Variants in DSC2 observed in about 807,000 individuals in gnomAD.
DSC2 encodes desmocollin-2.
A neutral mutation model predicts 87.6 loss-of-function variants in DSC2; 51 were observed. The ratio of observed to expected loss-of-function variants is 0.58; its 90% confidence interval spans 0.46 to 0.74. The LOEUF (loss-of-function observed/expected upper bound fraction) is 0.74. Ranked by LOEUF, DSC2 falls within the 30% of genes least tolerant of loss-of-function variation. DSC2 has a pLI of 0.00. For synonymous variants in DSC2, 383 were observed against 393.2 expected, an observed-to-expected ratio of 0.97 and a Z score of 0.31; for missense variants, 1,066 against 1,089.5, an observed-to-expected ratio of 0.98 and a Z score of 0.30.
intron 12 of DSC2, among the ~76,000 whole-genome samples, chr18:31,073,391 A>G (rs1298415933): frequency 6.6e-6 from 1 of 151,610 alleles, no homozygotes; most frequent in African/African-American, 2.4e-5. Context: ...ACACACACAC[A>G]CACACACACA....
rs1225052661 is a variant in DSC2 at position 31,062,318 on chromosome 18, T to A, written c.*5697A>T. The A allele has an allele frequency of 6.6e-6, 1 of 152,160 alleles. No homozygotes were observed. The highest frequency in any genetic ancestry group is 1.5e-5 in the Non-Finnish European group (1 of 68,032). 9.4% of individuals were successfully genotyped at this position (152,160 alleles called of 1,614,324 possible). On this transcript the variant is annotated 3_prime_UTR_variant, in exon 16 of 16. Transcript: ENST00000280904. ...ATAACTAATGGGAATTTTGGCAAAC[T>A]CATAAGAATCATTTCTTGAATTTCT...
chr18:31,069,966 C>A (rs750532790), intron 14 of DSC2, among the ~76,000 whole-genome samples: 19 of 152,112 alleles, frequency 1.2e-4, no homozygotes, highest in Non-Finnish European at 2.5e-4. Flanking sequence ...ATCTTAACTG[C>A]AACATTAAAC....
chr18:31,095,851 C>T (rs1268496105), intron 1 of DSC2, among the ~76,000 whole-genome samples: 2 of 152,008 alleles, frequency 1.3e-5, no homozygotes, highest in South Asian at 2.1e-4. Flanking sequence ...ACCTGAAGAG[C>T]GGCTACAAGT....
At chr18:31,071,907 A>T in intron 12 of DSC2, 66 bp from the exon 13 acceptor site, 2 of 1,350,896 alleles carry the variant, frequency 1.5e-6, no homozygotes, top group Non-Finnish European at 2.1e-6. Context: ...AACATAAATA[A>T]CTCATTATCA....
chr18:31,071,440 G>A (rs892538367), intron 13 of DSC2, among the ~76,000 whole-genome samples, 165 bp downstream of exon 13: 3 of 152,040 alleles, frequency 2.0e-5, no homozygotes, highest in African/African-American at 4.8e-5. Flanking sequence ...CCAGCTACTC[G>A]GGAGGCTGAG....
chr18:31,098,140 T>C (rs2144861649), intron 1 of DSC2, among the ~76,000 whole-genome samples: 1 of 152,314 alleles, frequency 6.6e-6, no homozygotes, highest in Non-Finnish European at 1.5e-5. Flanking sequence ...AAGAAGTATG[T>C]ATATATGTAC....
At chr18:31,096,762 A>G (rs1024299745) in intron 1 of DSC2, among the ~76,000 whole-genome samples, 12 of 152,300 alleles carry the variant, frequency 7.9e-5, no homozygotes, top group South Asian at 2.1e-4. Flanking sequence ...AAGCAATCCA[A>G]TTAAACTCAG....
chr18:31,092,641 T>C (rs1282342637), intron 2 of DSC2, among the ~76,000 whole-genome samples: 3 of 152,170 alleles, frequency 2.0e-5, no homozygotes, highest in Non-Finnish European at 4.4e-5. Flanking sequence ...CCTGAAGTTA[T>C]ACAGAATCTA....
At chr18:31,089,710 T>C (rs1369024524) in intron 4 of DSC2, 116 bp from the exon 5 acceptor site, 2 of 963,480 alleles carry the variant, frequency 2.1e-6, no homozygotes, top group Non-Finnish European at 3.0e-6. Context: ...CCTTAATTTA[T>C]TATTATATAT....
intron 5 of DSC2, among the ~76,000 whole-genome samples, chr18:31,089,122 G>A (rs1201868463): frequency 2.2e-5 from 3 of 136,034 alleles, no homozygotes; most frequent in Admixed American, 8.4e-5. Flanking sequence ...CCGAGATTAC[G>A]CCACTGCACT....
At chr18:31,082,809 CG>C in intron 8 of DSC2, 116 bp downstream of exon 8, 3 of 1,186,274 alleles carry the variant, frequency 2.5e-6, no homozygotes, top group African/African-American at 1.5e-5. Context: ...CCGCCCGCCT[CG>C]GCCTCCCAAA....
chr18:31,094,204 T>C (rs1987695422), intron 1 of DSC2, among the ~76,000 whole-genome samples: 1 of 152,184 alleles, frequency 6.6e-6, no homozygotes, highest in Non-Finnish European at 1.5e-5. Context: ...GGCAGCAAAC[T>C]GTTTCAGTAC....
In DSC2 at chr18:31,071,651, T is replaced by A; in HGVS notation, c.2079A>T (p.Gly693=). The change falls in exon 13 of 16, where the codon GGA becomes GGT. Residue 693 remains glycine (G), a synonymous_variant. Transcript: ENST00000280904. ...PRIGGGGVQL[G]KWAILAILLG... ...ACAATATTGCAAGGATGGCCCACTTTCCAAGTTGTACTCCTCCACCGCCAA... is the reference window on the plus strand; with the variant it reads ...ACAATATTGCAAGGATGGCCCACTTACCAAGTTGTACTCCTCCACCGCCAA... 6.2e-7 allele frequency: 1 copy of A among 1,614,132 alleles called. No individual in the cohort carries two copies. The highest frequency in any genetic ancestry group is 1.1e-5 in the South Asian group (1 of 91,078).
At chr18:31,077,807 T>C (rs1378475230) in intron 11 of DSC2, among the ~76,000 whole-genome samples, 2 of 152,152 alleles carry the variant, frequency 1.3e-5, no homozygotes, top group East Asian at 3.9e-4. Context: ...TTTAAAATAG[T>C]TGCAAGTAAC....
chr18:31,087,636 A>G (rs369315925), intron 6 of DSC2, 33 bp downstream of exon 6: 2 of 1,602,532 alleles, frequency 1.2e-6, no homozygotes, highest in Admixed American at 3.3e-5. Flanking sequence ...AAACACAGTT[A>G]ATTTGCCATA....
At chr18:31,071,956 G>A in intron 12 of DSC2, 115 bp from the exon 13 acceptor site, 3 of 934,348 alleles carry the variant, frequency 3.2e-6, no homozygotes, top group South Asian at 2.8e-5. Flanking sequence ...TTCCTGATGG[G>A]ATGGCATAGC....
rs768405529 is a variant in DSC2, at chr18:31,089,164, C to CAAAA, written c.630+271_630+274dup. Among the ~76,000 whole-genome samples, 24 of 102,772 alleles carry CAAAA rather than the reference C, an allele frequency of 2.3e-4. 1 individual carries two copies. Among genetic ancestry groups the CAAAA allele is most frequent in the East Asian group, 5.4e-4 (2 of 3,718 alleles). 67.4% of individuals were successfully genotyped at this position (102,772 alleles called of 152,430 possible). ...TGGGTGGCAAAGTGAGATGCTGTCT[C>CAAAA]AAAAAAAAAAAAAAAAAAACTGTTC... On this transcript the variant is annotated intron_variant, in intron 5 of 15. Transcript: ENST00000280904.
rs200475862 is a variant in DSC2 at position 31,071,829 on chromosome 18, C to T, written c.1901G>A (p.Arg634His). The T allele has an allele frequency of 3.2e-4, 515 of 1,612,906 alleles. No individual in the cohort carries two copies. Among genetic ancestry groups the T allele is most frequent in the Non-Finnish European group, 5.2e-5 (61 of 1,179,094 alleles). The change falls in exon 13 of 16, where the codon CGT (arginine) becomes CAT (histidine). Residue 634 changes from arginine to histidine, a missense_variant. By Grantham distance (29) the Arg-to-His change is conservative. Transcript: ENST00000280904. ...TGGAGGATCATTCTGATAGGAAAGA[C>T]GTGCTGCTGTATCTGAAAATATAAA... Reference protein sequence around the residue: ...RLKAINDTAARLSYQNDPPFG... With the variant: ...RLKAINDTAAHLSYQNDPPFG...
At chr18:31,089,164 CAAAAA>C (rs768405529) in intron 5 of DSC2, among the ~76,000 whole-genome samples, 1 of 102,868 alleles carries the variant, frequency 9.7e-6, no homozygotes. Flanking sequence ...GATGCTGTCT[CAAAAA>C]AAAAAAAAAA....
Sources: allele counts gnomAD v4.1 joint callset (sites outside exome capture counted in the v4.1 genomes callset), GRCh38; gene constraint gnomAD v4.1.1; transcripts MANE v1.5; gene names NCBI Gene and HGNC (gene_info 2026-07-23, HGNC 2026-07-21).